ZNF584: variants seen among roughly 807,000 people sequenced by gnomAD.
The protein encoded by ZNF584 is zinc finger protein 584.
Under a neutral mutation model 14.7 loss-of-function variants are expected in ZNF584, and 12 were observed. The observed-to-expected ratio is 0.82, with a 90% CI of 0.52 to 1.32. The LOEUF (loss-of-function observed/expected upper bound fraction) is 1.32, where lower values mean the gene tolerates loss of function less well. ZNF584 is among the 40% of genes most tolerant of loss of function. ZNF584 has a pLI of 0.00. For missense variants in ZNF584, 478 were observed against 518.8 expected (o/e 0.92, Z 0.76); for synonymous variants, 204 against 190.9 (o/e 1.07, Z -0.57).
Position 58,417,214 on chromosome 19 carries a change from C to G in ZNF584, c.696C>G (p.His232Gln). ...AFSYPSKLRK[H>Q]QKVHTGIKPF... The stretch of plus-strand genomic sequence containing the variant: ...GTTACCCGTCTAAGCTGAGGAAACA[C>G]CAGAAGGTTCACACAGGCATAAAAC... The change falls in exon 4 of 4, where the codon CAC becomes CAG. Residue 232 changes from histidine to glutamine, a missense_variant. His to Gln is a conservative substitution (Grantham distance 24). This residue lies in a region of ZNF584 where 283 missense variants were observed against 317.3 expected (regional missense o/e 0.89). Transcript: ENST00000306910. 1 of 1,614,088 alleles carries G rather than the reference C, an allele frequency of 6.2e-7. No homozygotes were observed. The highest frequency in any genetic ancestry group is 8.5e-7 in the Non-Finnish European group (1 of 1,180,004).
chr19:58,412,783 G>C (rs1320843336), intron 2 of ZNF584, among the ~76,000 whole-genome samples: 1 of 152,164 alleles, frequency 6.6e-6, no homozygotes, highest in South Asian at 2.1e-4. Context: ...GCTTGGGGTT[G>C]TGTGTGTTTT....
In ZNF584 at chr19:58,410,518, AATATATATATATAT is replaced by A. The variant is rs1156543028; in HGVS notation, c.169+454_169+467del. Among the ~76,000 whole-genome samples the A allele has an allele frequency of 3.9e-4, 30 of 77,190 alleles. 1 individual carries two copies. The highest frequency in any genetic ancestry group is 1.7e-3 in the Admixed American group (8 of 4,694). The allele number at this position is 77,190 out of a possible 152,430, so 50.6% of individuals were successfully genotyped here. ...GAATTTTAATCAGAACGGTTTGGGA[AATATATATATATAT>A]ATATATATATATATATATATATATA... On this transcript the variant is annotated intron_variant, in intron 2 of 3. Transcript: ENST00000306910.
upstream of ZNF584, among the ~76,000 whole-genome samples, chr19:58,407,835 G>T (rs1438468717): frequency 1.3e-5 from 2 of 152,160 alleles, no homozygotes; most frequent in Admixed American, 1.3e-4. Context: ...CTCCCCTGAT[G>T]TGTCCCTGAC....
At chr19:58,410,583 G>GTATA (rs373955379) in intron 2 of ZNF584, among the ~76,000 whole-genome samples, 2 of 26,720 alleles carry the variant, frequency 7.5e-5, no homozygotes, top group African/African-American at 7.5e-4. Context: ...GTATATATAT[G>GTATA]TATATATATG....
At chr19:58,404,758 C>G (rs1203097885), upstream of ZNF584, 4 of 206,996 alleles carry the variant, frequency 1.9e-5, no homozygotes, top group South Asian at 2.3e-4. Flanking sequence ...GTACACCTCC[C>G]AGATGGGGTG....
At chr19:58,414,800 G>A (rs2052619056) in intron 2 of ZNF584, among the ~76,000 whole-genome samples, 1 of 152,034 alleles carries the variant, frequency 6.6e-6, no homozygotes, top group Admixed American at 6.6e-5. Flanking sequence ...GTTATTGATG[G>A]TGGGAAATTA....
chr19:58,410,114 C>T, intron 2 of ZNF584, 23 bp downstream of exon 2: 1 of 1,581,778 alleles, frequency 6.3e-7, no homozygotes, highest in Non-Finnish European at 8.6e-7. Context: ...CACTGTCCCC[C>T]AGCACACTGA....
At chr19:58,404,127 G>A (rs2052448315), upstream of ZNF584, 2 of 152,308 alleles carry the variant, frequency 1.3e-5, no homozygotes, top group Non-Finnish European at 2.9e-5. Context: ...CTGGCTTTAT[G>A]ACTCAGGGCA....
At position 58,410,627 on chromosome 19, in the gene ZNF584, A is replaced by G. The variant is rs1347342565; in HGVS notation, c.169+536A>G. Among the ~76,000 whole-genome samples the G allele has an allele frequency of 2.2e-4, 10 of 46,288 alleles. 1 individual carries two copies. Among genetic ancestry groups the G allele is most frequent in the Non-Finnish European group, 3.7e-4 (10 of 27,366 alleles). The allele number at this position is 46,288 out of a possible 152,430, so 30.4% of individuals were successfully genotyped here. A position where few individuals can be genotyped will look rare whatever the true frequency, so the allele number is the denominator to read the frequency against. The stretch of plus-strand genomic sequence containing the variant: ...TGTATATATATGTGTATATATGTGT[A>G]TATATGTGTATATATATGTGTATAT... On this transcript the variant is annotated intron_variant, in intron 2 of 3. Coordinates refer to ENST00000306910, the MANE Select transcript of ZNF584 (RefSeq NM_173548.3).
chr19:58,402,207 A>G lies in ZNF584; in HGVS notation n.92+545A>G, dbSNP rs1599940254. Among the ~76,000 whole-genome samples, 8 of 152,302 alleles carry G rather than the reference A, an allele frequency of 5.3e-5. No individual in the cohort carries two copies. The South Asian group carries it at 1.5e-3, about 28-fold the overall frequency. On this transcript the variant is annotated intron_variant and non_coding_transcript_variant, in intron 1 of 3. Transcript: ENST00000594993. ...GTCCTCTCATCCCAGGGAGTAGGCT[A>G]GAGTTCGCACTGGCTCCCCTGGGGC...
rs35652377 is a variant in ZNF584 at position 58,417,833 on chromosome 19, A to T, written c.*49A>T. ...TTATTCCAGAAAGGAGGTTAAGGAG[A>T]GTGGCCGTGAGAGTGCCATCCGAAA... On this transcript the variant is annotated 3_prime_UTR_variant, in exon 4 of 4. Coordinates refer to ENST00000306910, the MANE Select transcript of ZNF584 (RefSeq NM_173548.3). 1 of 1,540,366 alleles carries T rather than the reference A, an allele frequency of 6.5e-7. No homozygotes were observed. The highest frequency in any genetic ancestry group is 2.3e-5 in the East Asian group (1 of 44,382).
chr19:58,404,755 T>C (rs1329189276), upstream of ZNF584: 3 of 206,568 alleles, frequency 1.5e-5, no homozygotes, highest in South Asian at 5.8e-5. Context: ...TGGGTACACC[T>C]CCCAGATGGG....
At chr19:58,416,588 G>A (rs2052645356) in intron 3 of ZNF584, 1 of 413,440 alleles carries the variant, frequency 2.4e-6, no homozygotes, top group Non-Finnish European at 4.3e-6. Flanking sequence ...TTTTAGAAGA[G>A]ATGGGGTTTC....
intron 2 of ZNF584, among the ~76,000 whole-genome samples, 179 bp downstream of exon 2, chr19:58,410,270 T>C (rs2052527568): frequency 6.6e-6 from 1 of 151,578 alleles, no homozygotes; most frequent in African/African-American, 2.4e-5. Flanking sequence ...TCCCTGCCTT[T>C]CTCTGAGCAA....
rs888620730 is a variant in ZNF584 at position 58,417,988 on chromosome 19, G to C, written c.*204G>C. The C allele has an allele frequency of 4.8e-6, 3 of 621,002 alleles. No individual in the cohort carries two copies. In the African/African-American group the frequency reaches 5.5e-5, roughly 11 times the overall value. The allele number at this position is 621,002 out of a possible 1,614,324, so 38.5% of individuals were successfully genotyped here. A position where few individuals can be genotyped will look rare whatever the true frequency, so the allele number is the denominator to read the frequency against. On this transcript the variant is annotated 3_prime_UTR_variant, in exon 4 of 4. Coordinates refer to ENST00000306910, the MANE Select transcript of ZNF584 (RefSeq NM_173548.3). Reference sequence around the variant, plus strand: ...GGGCTGTTGGCAGTGTCACATCACTGAGTTTATCCACCGCCATCCACCTCT... The same window carrying C: ...GGGCTGTTGGCAGTGTCACATCACTCAGTTTATCCACCGCCATCCACCTCT...
rs1306538933 is a variant in ZNF584 at position 58,416,891 on chromosome 19, C to T, written c.373C>T (p.His125Tyr). 10 of 1,610,916 alleles carry T rather than the reference C, an allele frequency of 6.2e-6. No homozygotes were observed. Among genetic ancestry groups the T allele is most frequent in the African/African-American group, 1.3e-5 (1 of 74,874 alleles). The change falls in exon 4 of 4, where the codon CAT becomes TAT. Residue 125 changes from histidine (H) to tyrosine (Y), a missense_variant. His to Tyr is a moderately conservative substitution (Grantham distance 83, BLOSUM62 2). Transcript: ENST00000306910. ...CAGAGTCATCCAGCACCAGGACACT[C>T]ATAGTGAGGGGAAACCAAGAAGGCA... Reference protein sequence around the residue: ...SYRVIQHQDTHSEGKPRRHTE... With the variant: ...SYRVIQHQDTYSEGKPRRHTE...
Position 58,417,481 on chromosome 19 carries a change from T to C in ZNF584, c.963T>C (p.Thr321=), listed in dbSNP as rs1484839186. 6.2e-7 allele frequency: 1 copy of C among 1,614,214 alleles called. No individual in the cohort carries two copies. The highest frequency in any genetic ancestry group is 8.5e-7 in the Non-Finnish European group (1 of 1,180,040). ...TCATTCTTCACCAGAGAGTTCACAC[T>C]GGAGAAAGGCCTTTTGAATGCAAGC... ...NSFILHQRVH[T]GERPFECKQC... is the part of the protein sequence containing the mutation. Residue 321 remains threonine, a synonymous_variant, in exon 4 of 4, where the codon ACT becomes ACC. Coordinates refer to ENST00000306910, the MANE Select transcript of ZNF584 (RefSeq NM_173548.3).
At chr19:58,415,428 G>A (rs1390914909) in intron 2 of ZNF584, 96 bp from the exon 3 acceptor site, 10 of 1,473,588 alleles carry the variant, frequency 6.8e-6, no homozygotes, top group African/African-American at 1.4e-5. Flanking sequence ...GAACGTCTGG[G>A]TTTAAGTGAT....
intron 1 of ZNF584, chr19:58,401,719 C>G (rs527254668): frequency 7.0e-6 from 1 of 142,900 alleles, no homozygotes; most frequent in Non-Finnish European, 1.6e-5. Flanking sequence ...TTTGTCCCCA[C>G]GCCACGCCGG....
Sources: allele counts gnomAD v4.1 joint callset (sites outside exome capture counted in the v4.1 genomes callset), GRCh38; gene constraint gnomAD v4.1.1; regional missense constraint gnomAD v4.1.1; transcripts MANE v1.5; gene names NCBI Gene and HGNC (gene_info 2026-07-23, HGNC 2026-07-21).